FBXO38: variants seen among roughly 807,000 people sequenced by gnomAD.
The protein encoded by FBXO38 is F-box only protein 38.
FBXO38 carries 53 observed loss-of-function variants against 131.9 expected under a neutral mutation model. The ratio of observed to expected loss-of-function variants is 0.40; its 90% CI spans 0.32 to 0.51. The LOEUF is 0.51. Among genes scored for constraint, FBXO38 ranks in the 20% least tolerant of loss-of-function variants. The pLI is 0.53. For synonymous variants in FBXO38, 452 were observed against 505.6 expected (o/e 0.89, Z 1.42); for missense variants, 1,076 against 1,475.6 (o/e 0.73, Z 4.44).
chr5:148,433,217 G>A, intron 15 of FBXO38: 1 of 487,886 alleles, frequency 2.0e-6, no homozygotes, highest in Non-Finnish European at 3.7e-6. Flanking sequence ...GGGTTGTTAT[G>A]TTTGATGTAG....
At chr5:148,415,508 C>T (rs1331767390) in intron 10 of FBXO38, 2 of 183,074 alleles carry the variant, frequency 1.1e-5, no homozygotes, top group African/African-American at 2.4e-5. Flanking sequence ...TCTGTATACA[C>T]TGTCCTGTAG....
chr5:148,401,372 T>A (rs1041969551), intron 3 of FBXO38, among the ~76,000 whole-genome samples: 16 of 152,316 alleles, frequency 1.1e-4, no homozygotes, highest in African/African-American at 3.8e-4. Flanking sequence ...TGGATCACTC[T>A]GGTTCTCTTA....
intron 16 of FBXO38, 43 bp downstream of exon 16, chr5:148,433,567 A>G: frequency 6.4e-7 from 1 of 1,556,212 alleles, no homozygotes. Context: ...AGTCTAGCCC[A>G]GTTCCTAAAT....
At chr5:148,424,227 C>T (rs898496219) in intron 13 of FBXO38, 110 bp downstream of exon 13, 16 of 1,039,050 alleles carry the variant, frequency 1.5e-5, no homozygotes, top group Admixed American at 9.6e-5. Flanking sequence ...GCTAATGATA[C>T]GTTTTATGCT....
At chr5:148,408,860 A>G (rs1561524884) in intron 7 of FBXO38, among the ~76,000 whole-genome samples, 3 of 152,214 alleles carry the variant, frequency 2.0e-5, no homozygotes, top group Non-Finnish European at 4.4e-5. Context: ...CTTTCTAAAA[A>G]TCCTTACTTA....
chr5:148,432,521 T>TA (rs1194311964), intron 15 of FBXO38, among the ~76,000 whole-genome samples: 1 of 152,182 alleles, frequency 6.6e-6, no homozygotes, highest in Non-Finnish European at 1.5e-5. Flanking sequence ...AGTTTCCTAA[T>TA]ATGTAAAACA....
At chr5:148,429,513 C>T (rs1753911088) in intron 15 of FBXO38, among the ~76,000 whole-genome samples, 1 of 152,014 alleles carries the variant, frequency 6.6e-6, no homozygotes, top group Non-Finnish European at 1.5e-5. Context: ...TATTCTTTTT[C>T]AAAATTTCCT....
chr5:148,388,607 A>T (rs1416133221), intron 1 of FBXO38, among the ~76,000 whole-genome samples: 1 of 152,202 alleles, frequency 6.6e-6, no homozygotes, highest in Non-Finnish European at 1.5e-5. Context: ...TCTTTCCATA[A>T]ACTCATGAAC....
chr5:148,396,396 G>A (rs986759553), intron 2 of FBXO38, among the ~76,000 whole-genome samples: 13 of 152,068 alleles, frequency 8.5e-5, no homozygotes, highest in Non-Finnish European at 1.5e-4. Context: ...TTATGACAAG[G>A]TTGTATTCAC....
chr5:148,400,944 C>A (rs1752117269), intron 3 of FBXO38, among the ~76,000 whole-genome samples: 1 of 151,998 alleles, frequency 6.6e-6, no homozygotes, highest in African/African-American at 2.4e-5. Context: ...AGTTACTATA[C>A]AAGAAAGTAA....
intron 17 of FBXO38, among the ~76,000 whole-genome samples, chr5:148,435,791 C>T (rs1332381529): frequency 4.6e-5 from 7 of 151,970 alleles, no homozygotes; most frequent in Non-Finnish European, 8.8e-5. Flanking sequence ...TAAAAAAATA[C>T]AGTGAGATTT....
intron 12 of FBXO38, among the ~76,000 whole-genome samples, chr5:148,419,618 AC>A (rs1266888266): frequency 3.3e-5 from 5 of 152,204 alleles, no homozygotes; most frequent in African/African-American, 1.2e-4. Context: ...GGTGCAATGC[AC>A]ATGCCTGTAA....
intron 19 of FBXO38, chr5:148,440,207 C>T (rs1228963360): frequency 1.8e-5 from 9 of 486,744 alleles, no homozygotes; most frequent in South Asian, 6.6e-5. Flanking sequence ...ACTTTCTTTC[C>T]CTGATATGAT....
At chr5:148,395,934 A>T (rs4599526) in intron 2 of FBXO38, among the ~76,000 whole-genome samples, 63,792 of 151,960 alleles carry the variant, frequency 0.42, 15,823 homozygotes, top group African/African-American at 0.69. Context: ...TATTTTAGGT[A>T]GTTTACCTAT....
intron 12 of FBXO38, among the ~76,000 whole-genome samples, chr5:148,417,611 A>T (rs1401132641): frequency 6.6e-6 from 1 of 152,218 alleles, no homozygotes; most frequent in East Asian, 1.9e-4. Flanking sequence ...CATGGGCTAG[A>T]CATTGGCACC....
chr5:148,384,152 A>G (rs1757784554), intron 1 of FBXO38, 113 bp downstream of exon 1: 1 of 152,572 alleles, frequency 6.6e-6, no homozygotes, highest in Non-Finnish European at 1.5e-5. Context: ...CGACCGCTTA[A>G]GCTCGGCCTC....
At chr5:148,432,441 T>G (rs913381886) in intron 15 of FBXO38, among the ~76,000 whole-genome samples, 1 of 152,246 alleles carries the variant, frequency 6.6e-6, no homozygotes, top group African/African-American at 2.4e-5. Context: ...TGACTGGTGC[T>G]AGATTTCCTG....
At chr5:148,393,992 CT>C (rs1309010784) in intron 1 of FBXO38, among the ~76,000 whole-genome samples, 2 of 152,116 alleles carry the variant, frequency 1.3e-5, no homozygotes, top group Non-Finnish European at 2.9e-5. Flanking sequence ...TTTTCTTTCT[CT>C]TTTCATCCTT....
chr5:148,417,289 C>A (rs1561531613), intron 12 of FBXO38, 85 bp downstream of exon 12: 2 of 961,246 alleles, frequency 2.1e-6, no homozygotes, highest in Admixed American at 4.0e-5. Context: ...CCCTTTTTCC[C>A]CTGTTTCAAC....
Sources: gnomAD v4.1 joint callset for allele counts (sites outside exome capture counted in the v4.1 genomes callset) on GRCh38, gnomAD v4.1.1 for gene constraint, MANE v1.5 for transcripts, NCBI Gene and HGNC (gene_info 2026-07-23, HGNC 2026-07-21) for gene names.